PLG: variants seen among roughly 807,000 people sequenced by gnomAD.
The protein encoded by PLG is plasmin.
In PLG, 41 loss-of-function variants were observed where a neutral mutation model predicts 104.4. The observed-to-expected ratio is 0.39, with a 90% CI of 0.31 to 0.51. The LOEUF (loss-of-function observed/expected upper bound fraction) is 0.51, where lower values mean the gene tolerates loss of function less well. Among genes scored for constraint, PLG ranks in the 20% least tolerant of loss-of-function variants. The probability of loss-of-function intolerance (pLI) is 0.76; values close to 1 mark genes in which losing one functional copy is unlikely to be tolerated. For missense variants in PLG, 891 were observed against 1,003.6 expected, an observed-to-expected ratio of 0.89 and a Z score of 1.52; for synonymous variants, 337 against 357.1, an observed-to-expected ratio of 0.94 and a Z score of 0.63.
intron 7 of PLG, among the ~76,000 whole-genome samples, chr6:160,717,570 T>A (rs533633698): frequency 1.7e-4 from 26 of 152,330 alleles, no homozygotes; most frequent in African/African-American, 5.3e-4. Flanking sequence ...TTCCATGGAC[T>A]CTTTCCCTGT....
rs932530103 is a variant in PLG at position 160,737,181 on chromosome 6, T to C, written c.1802+174T>C. On this transcript the variant is annotated intron_variant, in intron 14 of 18. Coordinates refer to ENST00000308192, the MANE Select transcript of PLG (RefSeq NM_000301.5). This position sits in a 1 kb window ranked among gnomAD's most constrained non-coding sequence, Gnocchi z 4.7. ...ATGTATATATACATATATATTTTTA[T>C]AGGTTCTCTACTGTGAAAATGACAA... 6.6e-6 allele frequency among the ~76,000 whole-genome samples: 1 copy of C among 152,186 alleles called. No individual in the cohort carries two copies. The highest frequency in any genetic ancestry group is 2.4e-5 in the African/African-American group (1 of 41,444).
chr6:160,741,299 C>G lies in PLG; in HGVS notation c.2019-12C>G. ...GAGCAGTCAAACATAACTGCTGATG[C>G]TTTTCTTTCAGTCCTGCCGTCATCA... On this transcript the variant is annotated splice_polypyrimidine_tract_variant and intron_variant, in intron 16 of 18. Transcript: ENST00000308192. The surrounding 1 kb of genome is among the most constrained non-coding windows in gnomAD (Gnocchi z 4.7). The G allele has an allele frequency of 1.3e-6, 2 of 1,528,984 alleles. No homozygotes were observed. The highest frequency in any genetic ancestry group is 1.8e-6 in the Non-Finnish European group (2 of 1,102,498). The allele number at this position is 1,528,984 out of a possible 1,614,324, so 94.7% of individuals were successfully genotyped here.
rs2115173530 is a variant in PLG, at chr6:160,731,201, G to A, written c.1407G>A (p.Leu469=). The change falls in exon 11 of 19, where the codon CTG becomes CTA. Residue 469 remains leucine (L), a synonymous_variant. Coordinates refer to ENST00000308192, the MANE Select transcript of PLG (RefSeq NM_000301.5). The surrounding 1 kb of genome is among the most constrained non-coding windows in gnomAD (Gnocchi z 5.1). ...ASVVAPPPVV[L]LPDVETPSEE... is the part of the protein sequence containing the mutation. ...TTGTAGCACCTCCGCCTGTTGTCCT[G>A]CTTCCAGATGTAGAGACTCCTTCCG... 6.2e-7 allele frequency: 1 copy of A among 1,614,114 alleles called. No individual in the cohort carries two copies. Among genetic ancestry groups the A allele is most frequent in the Non-Finnish European group, 8.5e-7 (1 of 1,179,972 alleles).
chr6:160,712,035 T>C (rs1777653199), intron 4 of PLG: 2 of 544,884 alleles, frequency 3.7e-6, no homozygotes, highest in South Asian at 3.0e-5. Flanking sequence ...CCCCCAACAC[T>C]CAACAAATTG....
chr6:160,722,320 G>GAAATA, intron 9 of PLG, 88 bp from the exon 10 acceptor site: 1 of 853,082 alleles, frequency 1.2e-6, no homozygotes, highest in Non-Finnish European at 2.0e-6. Flanking sequence ...AATTCTCAGA[G>GAAATA]GCTACCGTAC....
At chr6:160,745,046 A>G (rs1399988115) in intron 17 of PLG, among the ~76,000 whole-genome samples, 1 of 152,122 alleles carries the variant, frequency 6.6e-6, no homozygotes, top group African/African-American at 2.4e-5. Flanking sequence ...GTTCTTTGGC[A>G]CTTGCTGAAG....
chr6:160,702,838 G>A (rs1217399278), intron 1 of PLG, among the ~76,000 whole-genome samples: 1 of 152,188 alleles, frequency 6.6e-6, no homozygotes, highest in Non-Finnish European at 1.5e-5. Flanking sequence ...GTTATGGCCT[G>A]AGGAAGGCTT....
In PLG at chr6:160,731,863, G is replaced by A. The variant is rs768434850; in HGVS notation, c.1557G>A (p.Glu519=). 1.8e-5 allele frequency: 29 copies of A among 1,614,010 alleles called. No individual in the cohort carries two copies. Among genetic ancestry groups the A allele is most frequent in the Non-Finnish European group, 2.5e-5 (29 of 1,180,032 alleles). The change falls in exon 12 of 19, where the codon GAG becomes GAA. Residue 519 remains glutamate (E), a synonymous_variant. Transcript: ENST00000308192. The surrounding 1 kb of genome is among the most constrained non-coding windows in gnomAD (Gnocchi z 5.1). ...EPHRHSIFTP[E]TNPRAGLEKN... ...ATAGACACAGCATTTTCACTCCAGA[G>A]ACAAATCCACGGGCGGGTCTGGAAA...
chr6:160,720,738 G>T (rs1388100997), intron 9 of PLG, among the ~76,000 whole-genome samples: 2 of 152,054 alleles, frequency 1.3e-5, no homozygotes, highest in African/African-American at 4.8e-5. Context: ...GATTTTCATT[G>T]TCCTTGTAAA....
At position 160,714,849 on chromosome 6, in the gene PLG, G is replaced by A. The variant is rs755349893; in HGVS notation, c.603G>A (p.Met201Ile). Reference sequence around the variant, plus strand: ...ATGACGGCAAAATTTCCAAGACCATGTCTGGACTGGAATGCCAGGCCTGGG... The same window carrying A: ...ATGACGGCAAAATTTCCAAGACCATATCTGGACTGGAATGCCAGGCCTGGG... The part of the protein sequence containing the change: ...ENYDGKISKT[M>I]SGLECQAWDS... The change falls in exon 6 of 19, where the codon ATG becomes ATA. Residue 201 changes from methionine (M) to isoleucine (I), a missense_variant. This residue lies in a region of PLG where 854 missense variants were observed against 932.1 expected (regional missense o/e 0.92). Coordinates refer to ENST00000308192, the MANE Select transcript of PLG (RefSeq NM_000301.5). The A allele has an allele frequency of 3.1e-6, 5 of 1,612,606 alleles. No homozygotes were observed. The highest frequency in any genetic ancestry group is 2.2e-5 in the East Asian group (1 of 44,890).
intron 2 of PLG, 96 bp from the exon 3 acceptor site, chr6:160,707,604 T>C: frequency 7.8e-7 from 1 of 1,274,646 alleles, no homozygotes; most frequent in Non-Finnish European, 1.1e-6. Flanking sequence ...TCCCTCAAGA[T>C]ATTCAATGAT....
At chr6:160,710,934 T>C (rs1777627950) in intron 3 of PLG, 143 bp from the exon 4 acceptor site, 2 of 744,098 alleles carry the variant, frequency 2.7e-6, no homozygotes, top group Admixed American at 2.1e-5. Context: ...TGCAGCCTTT[T>C]TGCAGATGCA....
chr6:160,718,761 G>C lies in PLG; in HGVS notation c.1019G>C (p.Ser340Thr), dbSNP rs549550780. Residue 340 changes from serine to threonine, a missense_variant, in exon 9 of 19, where the codon AGC becomes ACC. By Grantham distance (58) the Ser-to-Thr change is moderately conservative (BLOSUM62 1). Around this residue, in one of 2 missense-constraint regions of PLG, gnomAD observed 854 missense variants for 932.1 expected, o/e 0.92. Transcript: ENST00000308192. ...GCCCCATGGTGCCATACAACCAACAGCCAAGTGCGGTGGGAGTACTGTAAG... is the reference window on the plus strand; with the variant it reads ...GCCCCATGGTGCCATACAACCAACACCCAAGTGCGGTGGGAGTACTGTAAG... ...KRAPWCHTTN[S>T]QVRWEYCKIP... 1.2e-6 allele frequency: 2 copies of C among 1,613,730 alleles called. No individual in the cohort carries two copies. Among genetic ancestry groups the C allele is most frequent in the African/African-American group, 1.3e-5 (1 of 75,014 alleles).
In PLG at chr6:160,748,392, GAAA is replaced by G. The variant is rs1562383421; in HGVS notation, c.2126-3722_2126-3720del. 3.7e-4 allele frequency among the ~76,000 whole-genome samples: 17 copies of G among 45,544 alleles called. 1 individual carries two copies. The highest frequency in any genetic ancestry group is 1.2e-3 in the African/African-American group (16 of 13,634). The allele number at this position is 45,544 out of a possible 152,430, so 29.9% of individuals were successfully genotyped here. On this transcript the variant is annotated intron_variant, in intron 17 of 18. Coordinates refer to ENST00000308192, the MANE Select transcript of PLG (RefSeq NM_000301.5). Reference sequence around the variant, plus strand: ...AGAAAGAAAGAAAGAAAGAAAGAAAGAAAGAAAGGAAGAAAGAAAGAAAGGGAA... The same window carrying G: ...AGAAAGAAAGAAAGAAAGAAAGAAAGGAAAGGAAGAAAGAAAGAAAGGGAA...
chr6:160,710,874 A>C (rs375841814), intron 3 of PLG, among the ~76,000 whole-genome samples: 19 of 152,314 alleles, frequency 1.2e-4, no homozygotes, highest in East Asian at 1.2e-3. Flanking sequence ...ATACACAGAG[A>C]GCTCATAAGT....
chr6:160,704,459 T>C (rs1406797330), intron 1 of PLG, among the ~76,000 whole-genome samples: 1 of 152,224 alleles, frequency 6.6e-6, no homozygotes, highest in Non-Finnish European at 1.5e-5. Context: ...TCAGAAAGTT[T>C]AACTGAACTC....
chr6:160,737,053 C>A lies in PLG; in HGVS notation c.1802+46C>A. The A allele has an allele frequency of 6.2e-7, 1 of 1,608,636 alleles. No homozygotes were observed. The highest frequency in any genetic ancestry group is 8.5e-7 in the Non-Finnish European group (1 of 1,177,790). On this transcript the variant is annotated intron_variant, in intron 14 of 18. Coordinates refer to ENST00000308192, the MANE Select transcript of PLG (RefSeq NM_000301.5). The surrounding 1 kb of genome is among the most constrained non-coding windows in gnomAD (Gnocchi z 4.7). ...GATTTATACTGTCCCTCCACGTAAG[C>A]CCTGCAAAACCCTTCTACATTTACA...
intron 17 of PLG, among the ~76,000 whole-genome samples, chr6:160,750,180 G>A (rs1041817126): frequency 5.9e-5 from 9 of 152,126 alleles, no homozygotes; most frequent in African/African-American, 1.7e-4. Context: ...TATTCCAAAC[G>A]CAGAGTTTGG....
chr6:160,731,756 G>T lies in PLG; in HGVS notation c.1450G>T (p.Gly484Trp). The part of the protein sequence containing the change: ...ETPSEEDCMF[G>W]NGKGYRGKRA... ...TTTTCCCTGTACAGACTGTATGTTT[G>T]GGAATGGGAAAGGATACCGAGGCAA... is the stretch of plus-strand genomic sequence containing the variant. Residue 484 changes from glycine (G) to tryptophan (W), a missense_variant, in exon 12 of 19, where the codon GGG (glycine) becomes TGG (tryptophan). This residue lies in a region of PLG where 854 missense variants were observed against 932.1 expected (regional missense o/e 0.92). Coordinates refer to ENST00000308192, the MANE Select transcript of PLG (RefSeq NM_000301.5). The surrounding 1 kb of genome is among the most constrained non-coding windows in gnomAD (Gnocchi z 5.1). The T allele has an allele frequency of 6.2e-7, 1 of 1,613,884 alleles. No homozygotes were observed. The highest frequency in any genetic ancestry group is 1.3e-5 in the African/African-American group (1 of 74,966).
Sources: gnomAD v4.1 joint callset for allele counts (sites outside exome capture counted in the v4.1 genomes callset) on GRCh38, gnomAD v4.1.1 for gene constraint, gnomAD v4.1.1 regional missense constraint, Gnocchi (gnomAD v3.1) non-coding constraint, MANE v1.5 for transcripts, NCBI Gene and HGNC (gene_info 2026-07-23, HGNC 2026-07-21) for gene names.